Variants in IFNB1 observed in about 807,000 individuals in gnomAD.
The protein encoded by IFNB1 is interferon beta.
For missense variants in IFNB1, 267 were observed against 210.5 expected (o/e 1.27, Z -1.66); for synonymous variants, 99 against 80.4 (o/e 1.23, Z -1.24).
In IFNB1 at chr9:21,077,725, G is replaced by A. The variant is rs1358420382; in HGVS notation, c.145C>T (p.Leu49Phe). Residue 49 changes from leucine to phenylalanine, a missense_variant, in exon 1 of 1, where the codon CTT (leucine) becomes TTT (phenylalanine). Physicochemically the swap from Leu to Phe is conservative, Grantham distance 22. Coordinates refer to ENST00000380232, the MANE Select transcript of IFNB1 (RefSeq NM_002176.4). ...QKLLWQLNGR[L>F]EYCLKDRMNF... ...ATCCTGTCCTTGAGGCAGTATTCAA[G>A]CCTCCCATTCAATTGCCACAGGAGC... is the stretch of plus-strand genomic sequence containing the variant. The A allele has an allele frequency of 6.2e-7, 1 of 1,613,876 alleles. No homozygotes were observed. The highest frequency in any genetic ancestry group is 1.3e-5 in the African/African-American group (1 of 75,016).
Position 21,077,239 on chromosome 9 carries a change from C to T in IFNB1, c.*67G>A. ...GTACATTAGCCATCAGTCACTTAAA[C>T]AGCATCTGCTGGTTGAAGAATGCTT... On this transcript the variant is annotated 3_prime_UTR_variant, in exon 1 of 1. Transcript: ENST00000380232. 9.5e-7 allele frequency: 1 copy of T among 1,055,800 alleles called. No individual in the cohort carries two copies. Among genetic ancestry groups the T allele is most frequent in the Non-Finnish European group, 1.4e-6 (1 of 706,770 alleles). The allele number at this position is 1,055,800 out of a possible 1,614,324, so 65.4% of individuals were successfully genotyped here. A position where few individuals can be genotyped will look rare whatever the true frequency, so the allele number is the denominator to read the frequency against.
chr9:21,077,873 G>T lies in IFNB1; in HGVS notation c.-4C>A. The T allele has an allele frequency of 1.2e-6, 2 of 1,607,848 alleles. No homozygotes were observed. The highest frequency in any genetic ancestry group is 1.7e-6 in the Non-Finnish European group (2 of 1,176,830). On this transcript the variant is annotated 5_prime_UTR_variant, in exon 1 of 1. Coordinates refer to ENST00000380232, the MANE Select transcript of IFNB1 (RefSeq NM_002176.4). ...GGAGGAGACACTTGTTGGTCATGTTGACAACACGAACAGTGTCGCCTACTA... is the reference window on the plus strand; with the variant it reads ...GGAGGAGACACTTGTTGGTCATGTTTACAACACGAACAGTGTCGCCTACTA...
chr9:21,077,765 A>G lies in IFNB1; in HGVS notation c.105T>C (p.Asn35=). The change falls in exon 1 of 1, where the codon AAT becomes AAC. Residue 35 remains asparagine (N), a synonymous_variant. Coordinates refer to ENST00000380232, the MANE Select transcript of IFNB1 (RefSeq NM_002176.4). ...NLLGFLQRSS[N]FQCQKLLWQL... ...GCCACAGGAGCTTCTGACACTGAAAATTGCTGCTTCTTTGTAGGAATCCAA... is the reference window on the plus strand; with the variant it reads ...GCCACAGGAGCTTCTGACACTGAAAGTTGCTGCTTCTTTGTAGGAATCCAA... The G allele has an allele frequency of 6.2e-7, 1 of 1,613,806 alleles. No homozygotes were observed. The highest frequency in any genetic ancestry group is 8.5e-7 in the Non-Finnish European group (1 of 1,179,860).
Position 21,077,467 on chromosome 9 carries a change from C to T in IFNB1, c.403G>A (p.Gly135Arg), listed in dbSNP as rs747015309. 9 of 1,613,974 alleles carry T rather than the reference C, an allele frequency of 5.6e-6. No homozygotes were observed. The highest frequency in any genetic ancestry group is 6.8e-6 in the Non-Finnish European group (8 of 1,179,906). The change falls in exon 1 of 1, where the codon GGA (glycine) becomes AGA (arginine). Residue 135 changes from glycine (G) to arginine (R), a missense_variant. Physicochemically the swap from Gly to Arg is moderately radical, Grantham distance 125 (BLOSUM62 -2). Coordinates refer to ENST00000380232, the MANE Select transcript of IFNB1 (RefSeq NM_002176.4). ...EKLEKEDFTR[G>R]KLMSSLHLKR... ...AGGTGCAGACTGCTCATGAGTTTTC[C>T]CCTGGTGAAATCTTCTTTCTCCAGT...
chr9:21,077,333 G>A lies in IFNB1; in HGVS notation c.537C>T (p.Asn179=). The A allele has an allele frequency of 6.2e-7, 1 of 1,613,014 alleles. No individual in the cohort carries two copies. The highest frequency in any genetic ancestry group is 1.1e-5 in the South Asian group (1 of 90,984). ...VEILRNFYFI[N]RLTGYLRN ...AGTTTCGGAGGTAACCTGTAAGTCT[G>A]TTAATGAAGTAAAAGTTCCTTAGGA... Residue 179 remains asparagine, a synonymous_variant, in exon 1 of 1, where the codon AAC becomes AAT. Coordinates refer to ENST00000380232, the MANE Select transcript of IFNB1 (RefSeq NM_002176.4).
Position 21,077,790 on chromosome 9 carries a change from A to T in IFNB1, c.80T>A (p.Leu27His). 1 of 1,613,838 alleles carries T rather than the reference A, an allele frequency of 6.2e-7. No individual in the cohort carries two copies. The highest frequency in any genetic ancestry group is 8.5e-7 in the Non-Finnish European group (1 of 1,179,844). ...TTALSMSYNL[L>H]GFLQRSSNFQ... ...ATTGCTGCTTCTTTGTAGGAATCCA[A>T]GCAAGTTGTAGCTCATGGAAAGAGC... is the stretch of plus-strand genomic sequence containing the variant. The change falls in exon 1 of 1, where the codon CTT (leucine) becomes CAT (histidine). Residue 27 changes from leucine to histidine, a missense_variant. By Grantham distance (99) the Leu-to-His change is moderately conservative. Coordinates refer to ENST00000380232, the MANE Select transcript of IFNB1 (RefSeq NM_002176.4).
chr9:21,077,706 T>A lies in IFNB1; in HGVS notation c.164A>T (p.Asp55Val), dbSNP rs1564295571. 2 of 1,613,828 alleles carry A rather than the reference T, an allele frequency of 1.2e-6. No individual in the cohort carries two copies. The highest frequency in any genetic ancestry group is 2.7e-5 in the African/African-American group (2 of 74,900). The change falls in exon 1 of 1, where the codon GAC becomes GTC. Residue 55 changes from aspartate (D) to valine (V), a missense_variant. Physicochemically the swap from Asp to Val is radical, Grantham distance 152. Coordinates refer to ENST00000380232, the MANE Select transcript of IFNB1 (RefSeq NM_002176.4). ...CTCAGGGATGTCAAAGTTCATCCTG[T>A]CCTTGAGGCAGTATTCAAGCCTCCC... ...LNGRLEYCLK[D>V]RMNFDIPEEI... is the part of the protein sequence containing the mutation.
At position 21,077,462 on chromosome 9, in the gene IFNB1, T is replaced by A. The variant is rs950649210; in HGVS notation, c.408A>T (p.Lys136Asn). Residue 136 changes from lysine to asparagine, a missense_variant, in exon 1 of 1, where the codon AAA (lysine) becomes AAT (asparagine). Coordinates refer to ENST00000380232, the MANE Select transcript of IFNB1 (RefSeq NM_002176.4). Reference sequence around the variant, plus strand: ...TTTTCAGGTGCAGACTGCTCATGAGTTTTCCCCTGGTGAAATCTTCTTTCT... The same window carrying A: ...TTTTCAGGTGCAGACTGCTCATGAGATTTCCCCTGGTGAAATCTTCTTTCT... ...KLEKEDFTRG[K>N]LMSSLHLKRY... The A allele has an allele frequency of 5.0e-6, 8 of 1,613,788 alleles. No individual in the cohort carries two copies. The African/African-American group carries it at 1.1e-4, about 22-fold the overall frequency.
rs1247817846 is a variant in IFNB1 at position 21,077,820 on chromosome 9, G to A, written c.50C>T (p.Thr17Ile). 3 of 1,613,616 alleles carry A rather than the reference G, an allele frequency of 1.9e-6. No homozygotes were observed. The highest frequency in any genetic ancestry group is 2.5e-6 in the Non-Finnish European group (3 of 1,179,818). ...LQIALLLCFS[T>I]TALSMSYNLL... is the part of the protein sequence containing the mutation. ...GTTGTAGCTCATGGAAAGAGCTGTA[G>A]TGGAGAAGCACAACAGGAGAGCAAT... is the stretch of plus-strand genomic sequence containing the variant. Residue 17 changes from threonine (T) to isoleucine (I), a missense_variant, in exon 1 of 1, where the codon ACT (threonine) becomes ATT (isoleucine). Thr to Ile is a moderately conservative substitution (Grantham distance 89). Coordinates refer to ENST00000380232, the MANE Select transcript of IFNB1 (RefSeq NM_002176.4).
rs143678442 is a variant in IFNB1 at position 21,077,212 on chromosome 9, C to G, written c.*94G>C. ...AAATCTTCTAGTGTCCTTTCATATGCAGTACATTAGCCATCAGTCACTTAA... is the reference window on the plus strand; with the variant it reads ...AAATCTTCTAGTGTCCTTTCATATGGAGTACATTAGCCATCAGTCACTTAA... On this transcript the variant is annotated 3_prime_UTR_variant, in exon 1 of 1. Transcript: ENST00000380232. The G allele has an allele frequency of 2.8e-5, 20 of 720,812 alleles. No individual in the cohort carries two copies. The Middle Eastern group carries it at 1.3e-3, about 47-fold the overall frequency. The allele number at this position is 720,812 out of a possible 1,614,324, so 44.7% of individuals were successfully genotyped here.
rs1240922897 is a variant in IFNB1, at chr9:21,077,532, T to C, written c.338A>G (p.Tyr113Cys). ...TGTCTTCAGATGGTTTATCTGATGA[T>C]AGACATTAGCCAGGAGGTTCTCAAC... ...TIVENLLANV[Y>C]HQINHLKTVL... is the part of the protein sequence containing the mutation. The change falls in exon 1 of 1, where the codon TAT becomes TGT. Residue 113 changes from tyrosine (Y) to cysteine (C), a missense_variant. Physicochemically the swap from Tyr to Cys is radical, Grantham distance 194 (BLOSUM62 -2). Transcript: ENST00000380232. 6.2e-6 allele frequency: 10 copies of C among 1,613,598 alleles called. No homozygotes were observed. The South Asian group carries it at 9.9e-5, about 16-fold the overall frequency.
chr9:21,077,146 TTAAA>T lies in IFNB1; in HGVS notation c.*156_*159del, dbSNP rs1409766829. The T allele has an allele frequency of 9.6e-6, 4 of 416,046 alleles. No homozygotes were observed. Among genetic ancestry groups the T allele is most frequent in the Non-Finnish European group, 1.7e-5 (4 of 234,112 alleles). The allele number at this position is 416,046 out of a possible 1,614,324, so 25.8% of individuals were successfully genotyped here. ...AATAATTTATTTTCCAAAATAAAATTTAAATAAATAAAAATAACTCATAATTTAA... is the reference window on the plus strand; with the variant it reads ...AATAATTTATTTTCCAAAATAAAATTTAAATAAAAATAACTCATAATTTAA... On this transcript the variant is annotated 3_prime_UTR_variant, in exon 1 of 1. Transcript: ENST00000380232.
chr9:21,077,621 C>A lies in IFNB1; in HGVS notation c.249G>T (p.Met83Ile), dbSNP rs759945780. The A allele has an allele frequency of 6.2e-7, 1 of 1,613,970 alleles. No individual in the cohort carries two copies. Among genetic ancestry groups the A allele is most frequent in the Non-Finnish European group, 8.5e-7 (1 of 1,179,904 alleles). ...TGAAAATAGCAAAGATGTTCTGGAG[C>A]ATCTCATAGATGGTCAATGCGGCGT... ...KEDAALTIYE[M>I]LQNIFAIFRQ... The change falls in exon 1 of 1, where the codon ATG (methionine) becomes ATT (isoleucine). Residue 83 changes from methionine (M) to isoleucine (I), a missense_variant. Physicochemically the swap from Met to Ile is conservative, Grantham distance 10. Coordinates refer to ENST00000380232, the MANE Select transcript of IFNB1 (RefSeq NM_002176.4).
chr9:21,077,693 A>T lies in IFNB1; in HGVS notation c.177T>A (p.Phe59Leu), dbSNP rs950367770. 1.9e-6 allele frequency: 3 copies of T among 1,613,956 alleles called. No homozygotes were observed. In the African/African-American group the frequency reaches 4.0e-5, roughly 22 times the overall value. ...LEYCLKDRMN[F>L]DIPEEIKQLQ... ...GCTGCTTAATCTCCTCAGGGATGTCAAAGTTCATCCTGTCCTTGAGGCAGT... is the reference window on the plus strand; with the variant it reads ...GCTGCTTAATCTCCTCAGGGATGTCTAAGTTCATCCTGTCCTTGAGGCAGT... The change falls in exon 1 of 1, where the codon TTT becomes TTA. Residue 59 changes from phenylalanine (F) to leucine (L), a missense_variant. Physicochemically the swap from Phe to Leu is conservative, Grantham distance 22. Transcript: ENST00000380232.
At position 21,077,759 on chromosome 9, in the gene IFNB1, C is replaced by T. The variant is rs770100148; in HGVS notation, c.111G>A (p.Gln37=). ...LGFLQRSSNF[Q]CQKLLWQLNG... Reference sequence around the variant, plus strand: ...TCAATTGCCACAGGAGCTTCTGACACTGAAAATTGCTGCTTCTTTGTAGGA... The same window carrying T: ...TCAATTGCCACAGGAGCTTCTGACATTGAAAATTGCTGCTTCTTTGTAGGA... The change falls in exon 1 of 1, where the codon CAG becomes CAA. Residue 37 remains glutamine, a synonymous_variant. Transcript: ENST00000380232. 11 of 1,613,844 alleles carry T rather than the reference C, an allele frequency of 6.8e-6. No individual in the cohort carries two copies. The highest frequency in any genetic ancestry group is 9.3e-6 in the Non-Finnish European group (11 of 1,179,866).
rs143251303 is a variant in IFNB1, at chr9:21,077,789, A to T, written c.81T>A (p.Leu27=). Residue 27 remains leucine, a synonymous_variant, in exon 1 of 1, where the codon CTT becomes CTA. Coordinates refer to ENST00000380232, the MANE Select transcript of IFNB1 (RefSeq NM_002176.4). ...AATTGCTGCTTCTTTGTAGGAATCC[A>T]AGCAAGTTGTAGCTCATGGAAAGAG... ...TTALSMSYNL[L]GFLQRSSNFQ... is the part of the protein sequence containing the mutation. 6.2e-6 allele frequency: 10 copies of T among 1,613,820 alleles called. No individual in the cohort carries two copies. Among genetic ancestry groups the T allele is most frequent in the Non-Finnish European group, 8.5e-6 (10 of 1,179,842 alleles).
At chr9:21,077,347 AG>A in the IFNB1 span, 1 of 1,613,548 alleles carries the variant, frequency 6.2e-7, no homozygotes, top group Non-Finnish European at 8.5e-7. Flanking sequence ...ATGAAGTAAA[AG>A]TTCCTTAGGA....
rs749835966 is a variant in IFNB1, at chr9:21,077,858, C to T, written c.12G>A (p.Lys4=). 1.6e-5 allele frequency: 26 copies of T among 1,611,730 alleles called. No homozygotes were observed. The Admixed American group carries it at 1.8e-4, about 11-fold the overall frequency. ...ACAGGAGAGCAATTTGGAGGAGACA[C>T]TTGTTGGTCATGTTGACAACACGAA... MTN[K]CLLQIALLLC... The change falls in exon 1 of 1, where the codon AAG becomes AAA. Residue 4 remains lysine, a synonymous_variant. Coordinates refer to ENST00000380232, the MANE Select transcript of IFNB1 (RefSeq NM_002176.4).
Position 21,077,240 on chromosome 9 carries a change from A to T in IFNB1, c.*66T>A. 2 of 1,061,972 alleles carry T rather than the reference A, an allele frequency of 1.9e-6. No individual in the cohort carries two copies. The highest frequency in any genetic ancestry group is 1.5e-5 in the South Asian group (1 of 66,872). The allele number at this position is 1,061,972 out of a possible 1,614,324, so 65.8% of individuals were successfully genotyped here. On this transcript the variant is annotated 3_prime_UTR_variant, in exon 1 of 1. Coordinates refer to ENST00000380232, the MANE Select transcript of IFNB1 (RefSeq NM_002176.4). ...TACATTAGCCATCAGTCACTTAAAC[A>T]GCATCTGCTGGTTGAAGAATGCTTG...
Sources: gnomAD v4.1 joint callset for allele counts on GRCh38, gnomAD v4.1.1 for gene constraint, MANE v1.5 for transcripts, NCBI Gene and HGNC (gene_info 2026-07-23, HGNC 2026-07-21) for gene names.